SGCG: variants seen among roughly 807,000 people sequenced by gnomAD.
The protein encoded by SGCG is gamma-sarcoglycan.
Under a neutral mutation model 29.3 loss-of-function variants are expected in SGCG, and 26 were observed. That is an observed-to-expected ratio of 0.89 (90% CI 0.65 to 1.23). The LOEUF (loss-of-function observed/expected upper bound fraction) is 1.23. SGCG is among the 50% of genes most tolerant of loss of function. SGCG has a pLI of 0.00. For synonymous variants in SGCG, 145 were observed against 129.7 expected, an observed-to-expected ratio of 1.12 and a Z score of -0.80; for missense variants, 353 against 356.0, an observed-to-expected ratio of 0.99 and a Z score of 0.07.
rs201480793 is a variant in SGCG, at chr13:23,314,382, T to TTATA, written c.579-6232_579-6229dup. Among the ~76,000 whole-genome samples, 117 of 78,606 alleles carry TTATA rather than the reference T, an allele frequency of 1.5e-3. 2 individuals are homozygous for TTATA. The highest frequency in any genetic ancestry group is 5.2e-3 in the African/African-American group (92 of 17,646). 51.6% of individuals were successfully genotyped at this position (78,606 alleles called of 152,430 possible). A position where few individuals can be genotyped will look rare whatever the true frequency, so the allele number is the denominator to read the frequency against. On this transcript the variant is annotated intron_variant, in intron 6 of 7. Coordinates refer to ENST00000218867, the MANE Select transcript of SGCG (RefSeq NM_000231.3). ...TAAATGAAATGATGTCTGCTATAGG[T>TTATA]TATATATATATATATATATATATAT...
At chr13:23,277,072 C>T (rs1213109501) in intron 4 of SGCG, among the ~76,000 whole-genome samples, 1 of 152,118 alleles carries the variant, frequency 6.6e-6, no homozygotes, top group East Asian at 1.9e-4. Flanking sequence ...GGATTTGCTG[C>T]TCAGACTTAC....
intron 2 of SGCG, among the ~76,000 whole-genome samples, chr13:23,207,809 C>T (rs1227314198): frequency 1.3e-5 from 2 of 151,966 alleles, no homozygotes; most frequent in African/African-American, 4.8e-5. Context: ...CAAATACTGG[C>T]GAGGGTGTGG....
intron 4 of SGCG, among the ~76,000 whole-genome samples, chr13:23,275,120 AATAT>A (rs55873099): frequency 2.7e-4 from 35 of 129,930 alleles, no homozygotes; most frequent in East Asian, 9.4e-4. Flanking sequence ...TAATGGATGG[AATAT>A]ATATATATAT....
intron 2 of SGCG, among the ~76,000 whole-genome samples, chr13:23,218,308 T>C (rs778517429): frequency 3.3e-5 from 5 of 152,172 alleles, no homozygotes; most frequent in Non-Finnish European, 2.9e-5. Flanking sequence ...CTGGAAGATA[T>C]ATGTAAGTTC....
chr13:23,238,843 C>A (rs1313343643), intron 3 of SGCG, among the ~76,000 whole-genome samples: 1 of 152,022 alleles, frequency 6.6e-6, no homozygotes, highest in Non-Finnish European at 1.5e-5. Flanking sequence ...AGATTAATAA[C>A]AATTTAAAGT....
intron 1 of SGCG, among the ~76,000 whole-genome samples, chr13:23,181,936 C>A (rs1004283358): frequency 3.3e-5 from 5 of 152,142 alleles, no homozygotes; most frequent in Admixed American, 1.3e-4. Flanking sequence ...TTTGTAGGTA[C>A]AAAAAGGCAC....
At chr13:23,299,408 A>ATGTATATATG (rs35074931) in intron 6 of SGCG, among the ~76,000 whole-genome samples, 1 of 13,948 alleles carries the variant, frequency 7.2e-5, no homozygotes, top group East Asian at 7.1e-3. Context: ...CTTAGTTGGC[A>ATGTATATATG]TATATATATA....
At chr13:23,196,791 A>G (rs1277691327) in intron 1 of SGCG, among the ~76,000 whole-genome samples, 1 of 152,102 alleles carries the variant, frequency 6.6e-6, no homozygotes, top group South Asian at 2.1e-4. Flanking sequence ...GAGCTCTTTC[A>G]GAATGATGTA....
intron 4 of SGCG, among the ~76,000 whole-genome samples, chr13:23,262,783 A>G (rs1342639679): frequency 2.0e-5 from 3 of 152,038 alleles, no homozygotes; most frequent in Non-Finnish European, 4.4e-5. Flanking sequence ...TAAATTTTTT[A>G]AGAGCAAAAT....
intron 2 of SGCG, among the ~76,000 whole-genome samples, chr13:23,226,092 C>T (rs1878884917): frequency 6.6e-6 from 1 of 152,142 alleles, no homozygotes. Context: ...ACACCCCGCA[C>T]TGGGGGATTT....
intron 4 of SGCG, chr13:23,267,695 A>T (rs1038043486): frequency 6.6e-6 from 1 of 152,306 alleles, no homozygotes; most frequent in Non-Finnish European, 1.5e-5. Context: ...AGAGACAGCA[A>T]TGCCATCACA....
intron 2 of SGCG, among the ~76,000 whole-genome samples, chr13:23,204,412 A>G (rs890045895): frequency 3.3e-5 from 5 of 152,206 alleles, no homozygotes; most frequent in Admixed American, 2.6e-4. Flanking sequence ...AGACAGCTAC[A>G]TAATTTTGTA....
At position 23,324,924 on chromosome 13, in the gene SGCG, G is replaced by A. The variant is rs1217612656; in HGVS notation, c.*383G>A. The A allele has an allele frequency of 2.9e-6, 1 of 344,256 alleles. No individual in the cohort carries two copies. Among genetic ancestry groups the A allele is most frequent in the Admixed American group, 3.9e-5 (1 of 25,756 alleles). 21.3% of individuals were successfully genotyped at this position (344,256 alleles called of 1,614,324 possible). The stretch of plus-strand genomic sequence containing the variant: ...GTGGATATCTAATGCCCTGTTGAGA[G>A]TAGCCTTGCTCAGTACTAAAATGCC... On this transcript the variant is annotated 3_prime_UTR_variant, in exon 8 of 8. Coordinates refer to ENST00000218867, the MANE Select transcript of SGCG (RefSeq NM_000231.3).
intron 4 of SGCG, among the ~76,000 whole-genome samples, chr13:23,260,277 T>G (rs1357732708): frequency 6.6e-6 from 1 of 152,202 alleles, no homozygotes; most frequent in South Asian, 2.1e-4. Context: ...CTTGTTGAAT[T>G]TATCCCTTTA....
intron 4 of SGCG, chr13:23,269,118 G>C (rs1409071982): frequency 6.6e-6 from 1 of 152,146 alleles, no homozygotes; most frequent in African/African-American, 2.4e-5. Flanking sequence ...GGCACCATGA[G>C]ATGTACTTTT....
intron 1 of SGCG, among the ~76,000 whole-genome samples, chr13:23,182,523 C>T (rs903287578): frequency 7.3e-5 from 11 of 150,986 alleles, no homozygotes; most frequent in Admixed American, 5.9e-4. Context: ...CTTCTCCAGA[C>T]CTACTGCAGG....
chr13:23,211,290 T>A (rs1273182398), intron 2 of SGCG, among the ~76,000 whole-genome samples: 5 of 152,152 alleles, frequency 3.3e-5, no homozygotes, highest in Non-Finnish European at 5.9e-5. Context: ...CAGAAGCCTG[T>A]GCTTCTCCTA....
At chr13:23,275,708 C>G (rs1881045571) in intron 4 of SGCG, among the ~76,000 whole-genome samples, 1 of 152,040 alleles carries the variant, frequency 6.6e-6, no homozygotes, top group Non-Finnish European at 1.5e-5. Flanking sequence ...TCATTAGTGC[C>G]AGGCTTATGA....
chr13:23,172,596 C>G, the SGCG span, among the ~76,000 whole-genome samples: 2 of 152,130 alleles, frequency 1.3e-5, no homozygotes, highest in African/African-American at 2.4e-5. Context: ...AGCTATCTGC[C>G]TCCTCAGTGG....
Sources: gnomAD v4.1 joint callset for allele counts (sites outside exome capture counted in the v4.1 genomes callset) on GRCh38, gnomAD v4.1.1 for gene constraint, MANE v1.5 for transcripts, NCBI Gene and HGNC (gene_info 2026-07-23, HGNC 2026-07-21) for gene names.